Variants in ERGIC1 observed in about 807,000 individuals in gnomAD.
The protein encoded by ERGIC1 is endoplasmic reticulum-golgi intermediate compartment 1, also known as endoplasmic reticulum-Golgi intermediate compartment protein 1.
Under a neutral mutation model 38.3 loss-of-function variants are expected in ERGIC1, and 19 were observed. The ratio of observed to expected loss-of-function variants is 0.50; its 90% CI spans 0.35 to 0.73. The LOEUF is 0.73. Ranked by LOEUF, ERGIC1 falls within the 30% of genes least tolerant of loss-of-function variation. The pLI is 0.01. For missense variants in ERGIC1, 294 were observed against 389.2 expected, an observed-to-expected ratio of 0.76 and a Z score of 2.06; for synonymous variants, 124 against 157.6, an observed-to-expected ratio of 0.79 and a Z score of 1.60.
chr5:172,874,976 C>T (rs79833715), intron 1 of ERGIC1, among the ~76,000 whole-genome samples: 3,829 of 151,554 alleles, frequency 0.025, 158 homozygotes, highest in African/African-American at 0.088. Context: ...CAGGCTCCCC[C>T]GAGGAGATGA....
At chr5:172,927,226 T>C (rs2446191) in intron 7 of ERGIC1, 88,213 of 152,254 alleles carry the variant, frequency 0.58, 26,235 homozygotes, top group African/African-American at 0.64. Flanking sequence ...CAAGCAGACC[T>C]GCAGACCCAC....
Position 172,900,723 on chromosome 5 carries a change from A to C in ERGIC1, c.155+3649A>C, listed in dbSNP as rs539793921. ...AGACCCTATCTCAAAAAAAAAAAAC[A>C]AAAAAAAACATGAGGACATTTTTTG... is the stretch of plus-strand genomic sequence containing the variant. On this transcript the variant is annotated intron_variant, in intron 3 of 9. Transcript: ENST00000393784. 2.5e-3 allele frequency among the ~76,000 whole-genome samples: 322 copies of C among 128,460 alleles called. 1 individual carries two copies. Among genetic ancestry groups the C allele is most frequent in the Non-Finnish European group, 4.0e-3 (242 of 60,916 alleles). 84.3% of individuals were successfully genotyped at this position (128,460 alleles called of 152,430 possible).
chr5:172,847,982 T>C (rs1761318990), intron 1 of ERGIC1, among the ~76,000 whole-genome samples: 1 of 152,256 alleles, frequency 6.6e-6, no homozygotes, highest in African/African-American at 2.4e-5. Flanking sequence ...GAGCATCTGG[T>C]GCCTGGTGAA....
chr5:172,847,517 TG>T (rs11301309), intron 1 of ERGIC1, among the ~76,000 whole-genome samples: 2,050 of 152,000 alleles, frequency 0.013, 27 homozygotes, highest in Non-Finnish European at 0.022. Flanking sequence ...ATATATTTTT[TG>T]TTGTTGTTGT....
intron 1 of ERGIC1, among the ~76,000 whole-genome samples, chr5:172,874,935 A>AC (rs1247936389): frequency 3.3e-5 from 5 of 151,676 alleles, no homozygotes; most frequent in African/African-American, 1.2e-4. Context: ...AAAAAAAAAA[A>AC]AAAAATTAAA....
At chr5:172,854,821 G>T (rs1451935235) in intron 1 of ERGIC1, among the ~76,000 whole-genome samples, 1 of 152,262 alleles carries the variant, frequency 6.6e-6, no homozygotes, top group Non-Finnish European at 1.5e-5. Flanking sequence ...GAAGTGTTTT[G>T]ATCTTTATTT....
intron 1 of ERGIC1, among the ~76,000 whole-genome samples, chr5:172,880,177 C>T (rs1762245840): frequency 6.6e-6 from 1 of 152,182 alleles, no homozygotes; most frequent in Non-Finnish European, 1.5e-5. Context: ...GCTGGGATTA[C>T]AGGCACCTGC....
intron 1 of ERGIC1, among the ~76,000 whole-genome samples, chr5:172,857,773 T>A (rs67655713): frequency 1.3e-5 from 2 of 151,858 alleles, no homozygotes; most frequent in South Asian, 2.1e-4. Context: ...GTCTTACAGC[T>A]TACGTTATGG....
intron 7 of ERGIC1, among the ~76,000 whole-genome samples, chr5:172,927,497 C>A (rs544511178): frequency 6.6e-6 from 1 of 151,912 alleles, no homozygotes; most frequent in East Asian, 1.9e-4. Context: ...GCTTTTTGTA[C>A]TTGACCTTAT....
At position 172,834,581 on chromosome 5, in the gene ERGIC1, C is replaced by CCA; in HGVS notation, c.20+149_20+150insAC. On this transcript the variant is annotated intron_variant, in intron 1 of 9. Transcript: ENST00000393784. The surrounding 1 kb of genome is among the most constrained non-coding windows in gnomAD (Gnocchi z 4.1). ...CAGGCCCCTAGGGACCCCAGGCGAGCCCCCCCCCTGCCGCACACGAAGCCA... is the reference window on the plus strand; with the variant it reads ...CAGGCCCCTAGGGACCCCAGGCGAGCCACCCCCCCCTGCCGCACACGAAGCCA... 1 of 336,782 alleles carries CCA rather than the reference C, an allele frequency of 3.0e-6. No homozygotes were observed. Among genetic ancestry groups the CCA allele is most frequent in the Non-Finnish European group, 3.6e-6 (1 of 277,246 alleles). 20.9% of individuals were successfully genotyped at this position (336,782 alleles called of 1,614,324 possible). A position where few individuals can be genotyped will look rare whatever the true frequency, so the allele number is the denominator to read the frequency against.
Position 172,892,060 on chromosome 5 carries a change from A to ATTTTTTTTT in ERGIC1, c.82+3301_82+3302insTTTTTTTTT, listed in dbSNP as rs372105420. ...AAGAGGAATTACTGGGTTAAAGAGT[A>ATTTTTTTTT]TGTTTTTTTTTTTTTTTTTTTTTTT... On this transcript the variant is annotated intron_variant, in intron 2 of 9. Coordinates refer to ENST00000393784, the MANE Select transcript of ERGIC1 (RefSeq NM_001031711.3). 2.3e-3 allele frequency among the ~76,000 whole-genome samples: 291 copies of ATTTTTTTTT among 125,544 alleles called. 1 individual carries two copies. The highest frequency in any genetic ancestry group is 3.2e-3 in the Non-Finnish European group (197 of 61,388). The allele number at this position is 125,544 out of a possible 152,430, so 82.4% of individuals were successfully genotyped here. A position where few individuals can be genotyped will look rare whatever the true frequency, so the allele number is the denominator to read the frequency against.
At chr5:172,866,695 A>AGTG (rs894276232) in intron 1 of ERGIC1, among the ~76,000 whole-genome samples, 1 of 152,266 alleles carries the variant, frequency 6.6e-6, no homozygotes, top group Non-Finnish European at 1.5e-5. Flanking sequence ...ACAGCTAGCA[A>AGTG]GTGGCAGAGC....
chr5:172,868,558 A>G (rs746043305), intron 1 of ERGIC1, among the ~76,000 whole-genome samples: 6 of 152,140 alleles, frequency 3.9e-5, no homozygotes, highest in Non-Finnish European at 8.8e-5. Context: ...GGAGGGAGGG[A>G]TGAATAGGCG....
chr5:172,863,674 AAAAG>A (rs1761777507), intron 1 of ERGIC1, among the ~76,000 whole-genome samples: 2 of 151,560 alleles, frequency 1.3e-5, no homozygotes, highest in Non-Finnish European at 3.0e-5. Flanking sequence ...TCTTTAAAAA[AAAAG>A]AAAGAAAAAA....
At chr5:172,836,139 G>A (rs530372846) in intron 1 of ERGIC1, among the ~76,000 whole-genome samples, 3 of 152,334 alleles carry the variant, frequency 2.0e-5, no homozygotes, top group African/African-American at 7.2e-5. Context: ...GAGGCTCCAG[G>A]GATGAGGGCC....
intron 2 of ERGIC1, among the ~76,000 whole-genome samples, chr5:172,895,258 A>C (rs1029423735): frequency 6.6e-6 from 1 of 152,188 alleles, no homozygotes; most frequent in African/African-American, 2.4e-5. Context: ...TTTCAAGCTC[A>C]ATCCTTGTGT....
At chr5:172,896,559 C>T (rs949435935) in intron 2 of ERGIC1, among the ~76,000 whole-genome samples, 48 of 152,196 alleles carry the variant, frequency 3.2e-4, no homozygotes, top group Non-Finnish European at 5.4e-4. Flanking sequence ...TCCGACCCTC[C>T]GTGGGAACAA....
chr5:172,895,242 G>T (rs567422436), intron 2 of ERGIC1, among the ~76,000 whole-genome samples: 2 of 152,196 alleles, frequency 1.3e-5, no homozygotes, highest in African/African-American at 2.4e-5. Context: ...TACCTGCCGG[G>T]CTCTGTTTCA....
At chr5:172,878,477 T>C (rs13328122) in intron 1 of ERGIC1, among the ~76,000 whole-genome samples, 2,001 of 152,212 alleles carry the variant, frequency 0.013, 40 homozygotes, top group African/African-American at 0.046. Context: ...GTTATGAAAG[T>C]GATCCGAGAT....
Sources: gnomAD v4.1 joint callset for allele counts (sites outside exome capture counted in the v4.1 genomes callset) on GRCh38, gnomAD v4.1.1 for gene constraint, Gnocchi (gnomAD v3.1) non-coding constraint, MANE v1.5 for transcripts, NCBI Gene and HGNC (gene_info 2026-07-23, HGNC 2026-07-21) for gene names.